The following CMSS1 variants were observed in gnomAD, a reference collection of about 807,000 sequenced individuals.
CMSS1 encodes protein CMSS1.
CMSS1 carries 33 observed loss-of-function variants against 43.5 expected under a neutral mutation model. The ratio of observed to expected loss-of-function variants is 0.76; its 90% CI spans 0.57 to 1.01. The LOEUF is 1.01. CMSS1 is among the 50% of genes least tolerant of loss of function. The probability of loss-of-function intolerance (pLI) is 0.00; values close to 1 mark genes in which losing one functional copy is unlikely to be tolerated. For missense variants in CMSS1, 313 were observed against 326.4 expected (o/e 0.96, Z 0.32); for synonymous variants, 115 against 117.2 (o/e 0.98, Z 0.12).
chr3:100,049,214 G>A (rs898041524), intron 1 of CMSS1, among the ~76,000 whole-genome samples: 3 of 152,060 alleles, frequency 2.0e-5, no homozygotes, highest in East Asian at 1.9e-4. Context: ...ATAGAAACGT[G>A]GCAATAAATC....
At chr3:100,069,908 T>A (rs1045122106) in intron 1 of CMSS1, among the ~76,000 whole-genome samples, 4 of 152,174 alleles carry the variant, frequency 2.6e-5, no homozygotes, top group Non-Finnish European at 5.9e-5. Flanking sequence ...TGTTGGAAAC[T>A]TAAAAAAAGA....
chr3:99,999,750 G>A (rs973804475), intron 1 of CMSS1, among the ~76,000 whole-genome samples: 14 of 152,156 alleles, frequency 9.2e-5, no homozygotes. Context: ...GTTTCTCATG[G>A]TCTCTTGCTC....
chr3:99,943,299 G>C (rs1276555041), intron 1 of CMSS1, among the ~76,000 whole-genome samples: 2 of 152,162 alleles, frequency 1.3e-5, no homozygotes, highest in Non-Finnish European at 2.9e-5. Context: ...AAATGTGTCA[G>C]CCCTGACACT....
At chr3:100,004,524 T>C (rs185284798) in intron 1 of CMSS1, among the ~76,000 whole-genome samples, 1 of 152,308 alleles carries the variant, frequency 6.6e-6, no homozygotes, top group African/African-American at 2.4e-5. Context: ...CCATTAAATT[T>C]AGTTGCAGGT....
rs143554360 is a variant in CMSS1 at position 100,008,764 on chromosome 3, A to G, written c.65-138209A>G. Among the ~76,000 whole-genome samples the G allele has an allele frequency of 8.4e-3, 1,284 of 152,264 alleles. 3 individuals are homozygous for G. Among genetic ancestry groups the G allele is most frequent in the Middle Eastern group, 0.034 (10 of 294 alleles). On this transcript the variant is annotated intron_variant, in intron 1 of 9. Coordinates refer to ENST00000421999, the MANE Select transcript of CMSS1 (RefSeq NM_032359.4). ...TTATAAACTCTAGACTAGGAGGAGT[A>G]TTGTCTTGCTCTGGCCCTTGTATTT...
chr3:99,842,566 C>G (rs1251064764), intron 1 of CMSS1, among the ~76,000 whole-genome samples: 1 of 149,948 alleles, frequency 6.7e-6, no homozygotes, highest in Admixed American at 6.6e-5. Flanking sequence ...GACCATTTGG[C>G]TATGAGGAGG....
At chr3:99,988,080 C>A (rs879333557) in intron 1 of CMSS1, among the ~76,000 whole-genome samples, 1 of 152,142 alleles carries the variant, frequency 6.6e-6, no homozygotes, top group Admixed American at 6.5e-5. Context: ...ATACATACTT[C>A]TTAAGAATCT....
At chr3:100,124,055 C>T (rs2066642725) in intron 1 of CMSS1, among the ~76,000 whole-genome samples, 1 of 152,182 alleles carries the variant, frequency 6.6e-6, no homozygotes, top group South Asian at 2.1e-4. Flanking sequence ...TAAAGTATTA[C>T]TATTTTCAGT....
intron 8 of CMSS1, among the ~76,000 whole-genome samples, chr3:100,173,605 A>G (rs936805468): frequency 1.3e-5 from 2 of 152,222 alleles, no homozygotes; most frequent in Non-Finnish European, 2.9e-5. Flanking sequence ...AATGAGAAAG[A>G]GATAGTTATG....
rs756569513 is a variant in CMSS1, at chr3:99,850,714, C to A, written c.64+32671C>A. On this transcript the variant is annotated intron_variant, in intron 1 of 9. Coordinates refer to ENST00000421999, the MANE Select transcript of CMSS1 (RefSeq NM_032359.4). ...TGCTGCCAGCTTTTGTTGAAGCTGG[C>A]GATTTTGACTGTCCTCATTGGTGAG... is the stretch of plus-strand genomic sequence containing the variant. 22 of 1,614,010 alleles carry A rather than the reference C, an allele frequency of 1.4e-5. No individual in the cohort carries two copies. The highest frequency in any genetic ancestry group is 1.8e-5 in the Non-Finnish European group (21 of 1,180,032).
intron 1 of CMSS1, among the ~76,000 whole-genome samples, chr3:100,013,223 T>C (rs1474377300): frequency 6.7e-6 from 1 of 148,804 alleles, no homozygotes; most frequent in East Asian, 2.0e-4. Context: ...GGTGTTGTTG[T>C]TGTTGTTGTT....
intron 1 of CMSS1, among the ~76,000 whole-genome samples, chr3:99,879,335 C>T (rs1162582267): frequency 6.6e-6 from 1 of 152,168 alleles, no homozygotes; most frequent in African/African-American, 2.4e-5. Flanking sequence ...TTCCCTGGTT[C>T]GAGCTAATTG....
intron 1 of CMSS1, among the ~76,000 whole-genome samples, chr3:99,821,248 A>G (rs1279727878): frequency 6.6e-6 from 1 of 152,246 alleles, no homozygotes; most frequent in Non-Finnish European, 1.5e-5. Context: ...GGATGTTGGC[A>G]GAATAAATAT....
intron 1 of CMSS1, chr3:99,925,974 A>G: frequency 1.4e-6 from 1 of 696,396 alleles, no homozygotes; most frequent in South Asian, 6.4e-5. Flanking sequence ...ATAAATTAAT[A>G]TCTATTAAGA....
chr3:100,078,909 G>T (rs1462115835), intron 1 of CMSS1, among the ~76,000 whole-genome samples: 2 of 152,016 alleles, frequency 1.3e-5, no homozygotes, highest in East Asian at 1.9e-4. Flanking sequence ...CGGAAAAAAA[G>T]ATTGCAAAAA....
At chr3:99,957,693 C>CTTTCTTTTTTTTTTT (rs1708364770) in intron 1 of CMSS1, among the ~76,000 whole-genome samples, 2 of 19,904 alleles carry the variant, frequency 1.0e-4, no homozygotes, top group African/African-American at 3.3e-4. Context: ...TTCTTTCTTT[C>CTTTCTTTTTTTTTTT]TTTTTTTTTT....
rs145957065 is a variant in CMSS1 at position 99,821,808 on chromosome 3, G to A, written c.64+3765G>A. ...GGCCTGTAATCCCAGCACTTTGGGAGGCCAAGGTGGGCAGATCACCTGAGT... is the reference window on the plus strand; with the variant it reads ...GGCCTGTAATCCCAGCACTTTGGGAAGCCAAGGTGGGCAGATCACCTGAGT... On this transcript the variant is annotated intron_variant, in intron 1 of 9. Transcript: ENST00000421999. Among the ~76,000 whole-genome samples the A allele has an allele frequency of 2.2e-3, 340 of 152,286 alleles. 1 individual carries two copies. The highest frequency in any genetic ancestry group is 7.3e-3 in the African/African-American group (303 of 41,560).
At chr3:99,857,229 G>A (rs1228646077) in intron 1 of CMSS1, among the ~76,000 whole-genome samples, 1 of 152,202 alleles carries the variant, frequency 6.6e-6, no homozygotes, top group Middle Eastern at 3.2e-3. Context: ...AGGCATTTAA[G>A]AAAATGAGGT....
At chr3:100,160,392 G>A (rs1416142419) in intron 2 of CMSS1, 38 bp from the exon 3 acceptor site, 9 of 1,090,718 alleles carry the variant, frequency 8.3e-6, no homozygotes, top group South Asian at 8.0e-5. Flanking sequence ...ACTTTATCAT[G>A]AAAAGATTAA....
Sources: gnomAD v4.1 joint callset for allele counts (sites outside exome capture counted in the v4.1 genomes callset) on GRCh38, gnomAD v4.1.1 for gene constraint, MANE v1.5 for transcripts, NCBI Gene and HGNC (gene_info 2026-07-23, HGNC 2026-07-21) for gene names.